The following MSRA variants were observed in gnomAD, a reference collection of about 807,000 sequenced individuals.
MSRA encodes the protein mitochondrial peptide methionine sulfoxide reductase.
Under a neutral mutation model 31.3 loss-of-function variants are expected in MSRA, and 54 were observed. The ratio of observed to expected loss-of-function variants is 1.73; its 90% CI spans 1.39 to 2.17. The LOEUF is 2.17. Among genes scored for constraint, MSRA ranks in the 30% most tolerant of loss-of-function variants. The pLI is 0.00. For missense variants in MSRA, 507 were observed against 300.9 expected, an observed-to-expected ratio of 1.69 and a Z score of -5.07; for synonymous variants, 169 against 116.5, an observed-to-expected ratio of 1.45 and a Z score of -2.90.
chr8:10,320,383 G>T (rs564988055), intron 5 of MSRA: 76 of 156,432 alleles, frequency 4.9e-4, no homozygotes, highest in South Asian at 1.5e-3. Context: ...TGGGAGTATC[G>T]TTTGAACCTG....
At chr8:10,254,768 G>A (rs1798090845) in intron 3 of MSRA, among the ~76,000 whole-genome samples, 1 of 152,198 alleles carries the variant, frequency 6.6e-6, no homozygotes, top group African/African-American at 2.4e-5. Context: ...TCCAGCAAAT[G>A]CATTTTCACA....
At chr8:10,202,430 T>C (rs2129057758) in intron 1 of MSRA, among the ~76,000 whole-genome samples, 1 of 152,378 alleles carries the variant, frequency 6.6e-6, no homozygotes, top group East Asian at 1.9e-4. Context: ...CAGAGGTTTG[T>C]TATCACAGTG....
At chr8:10,277,974 T>C (rs1320412804) in intron 3 of MSRA, among the ~76,000 whole-genome samples, 1 of 152,236 alleles carries the variant, frequency 6.6e-6, no homozygotes, top group Non-Finnish European at 1.5e-5. Context: ...GTACCTGTTA[T>C]TACAGCAGGG....
At chr8:10,322,553 G>A (rs1802104285) in intron 5 of MSRA, among the ~76,000 whole-genome samples, 1 of 152,152 alleles carries the variant, frequency 6.6e-6, no homozygotes, top group South Asian at 2.1e-4. Flanking sequence ...TTGTGAAAGT[G>A]CAGAGTCTAA....
intron 2 of MSRA, among the ~76,000 whole-genome samples, chr8:10,230,126 G>C (rs1585223546): frequency 6.6e-6 from 1 of 152,228 alleles, no homozygotes; most frequent in Admixed American, 6.5e-5. Context: ...CTATGTGACA[G>C]AATACAGTGT....
At chr8:10,240,996 G>A (rs971420250) in intron 2 of MSRA, among the ~76,000 whole-genome samples, 3 of 152,068 alleles carry the variant, frequency 2.0e-5, no homozygotes, top group Non-Finnish European at 4.4e-5. Flanking sequence ...GTGCCCTCTG[G>A]TCCTGCTTGT....
chr8:10,132,094 A>C (rs1188571619), intron 1 of MSRA, among the ~76,000 whole-genome samples: 1 of 152,190 alleles, frequency 6.6e-6, no homozygotes, highest in African/African-American at 2.4e-5. Flanking sequence ...AATGACTCCC[A>C]CCTTGCCAAT....
intron 2 of MSRA, among the ~76,000 whole-genome samples, chr8:10,233,227 C>A (rs1436694106): frequency 3.3e-5 from 5 of 152,244 alleles, no homozygotes; most frequent in Non-Finnish European, 2.9e-5. Flanking sequence ...AAACTCTAAT[C>A]ACCTTCGTGT....
At chr8:10,326,980 C>T (rs1802398987) in intron 5 of MSRA, among the ~76,000 whole-genome samples, 1 of 152,146 alleles carries the variant, frequency 6.6e-6, no homozygotes. Context: ...ATGTGAAAGA[C>T]AGCAAATCTA....
At chr8:10,394,195 G>T (rs973647294) in intron 5 of MSRA, among the ~76,000 whole-genome samples, 2 of 152,114 alleles carry the variant, frequency 1.3e-5, no homozygotes, top group African/African-American at 4.8e-5. Context: ...AAACCAAAAG[G>T]GGCCATTCAA....
At chr8:10,394,286 A>T (rs1806957454) in intron 5 of MSRA, among the ~76,000 whole-genome samples, 1 of 152,178 alleles carries the variant, frequency 6.6e-6, no homozygotes, top group Non-Finnish European at 1.5e-5. Context: ...CCCAGCGACG[A>T]TAGTTTGTAT....
intron 5 of MSRA, among the ~76,000 whole-genome samples, chr8:10,344,574 CAAAAAAAAAAAAAAA>C (rs56843505): frequency 3.1e-5 from 2 of 64,610 alleles, no homozygotes; most frequent in East Asian, 8.8e-4. Flanking sequence ...GACTCCGTCT[CAAAAAAAAAAAAAAA>C]AAAAAAAAAA....
chr8:10,269,074 G>A (rs1018264666), intron 3 of MSRA, among the ~76,000 whole-genome samples: 1 of 152,122 alleles, frequency 6.6e-6, no homozygotes, highest in South Asian at 2.1e-4. Context: ...CTTCTCCAAC[G>A]CCTTTATTGG....
At position 10,156,439 on chromosome 8, in the gene MSRA, G is replaced by A. The variant is rs370583024; in HGVS notation, c.143-51394G>A. Among the ~76,000 whole-genome samples, 5 of 151,560 alleles carry A rather than the reference G, an allele frequency of 3.3e-5. No individual in the cohort carries two copies. The East Asian group carries it at 5.8e-4, about 18-fold the overall frequency. Reference sequence around the variant, plus strand: ...TTTGGTAAAAGGAAAGCATGTGTGTGTACGTGTGTGTATGAGAGAGAGGGG... The same window carrying A: ...TTTGGTAAAAGGAAAGCATGTGTGTATACGTGTGTGTATGAGAGAGAGGGG... On this transcript the variant is annotated intron_variant, in intron 1 of 5. Coordinates refer to ENST00000317173, the MANE Select transcript of MSRA (RefSeq NM_012331.5).
chr8:10,312,163 T>TA (rs1801467563), intron 4 of MSRA, among the ~76,000 whole-genome samples: 1 of 151,442 alleles, frequency 6.6e-6, no homozygotes, highest in South Asian at 2.1e-4. Flanking sequence ...ATAAAATAAA[T>TA]AATGAAGGGC....
chr8:10,151,067 T>C (rs1803621521), intron 1 of MSRA, among the ~76,000 whole-genome samples: 1 of 151,560 alleles, frequency 6.6e-6, no homozygotes, highest in South Asian at 2.1e-4. Context: ...ATACCCTCTA[T>C]CTAGTTGGGA....
At chr8:10,064,832 C>T (rs573161616) in intron 1 of MSRA, among the ~76,000 whole-genome samples, 2 of 152,076 alleles carry the variant, frequency 1.3e-5, no homozygotes, top group Admixed American at 1.3e-4. Context: ...CTGAAAAGAT[C>T]TGATATTTTA....
At chr8:10,323,678 T>G (rs1802185578) in intron 5 of MSRA, among the ~76,000 whole-genome samples, 1 of 152,026 alleles carries the variant, frequency 6.6e-6, no homozygotes, top group Non-Finnish European at 1.5e-5. Flanking sequence ...GAGGTTAATC[T>G]TGTAGGCAGT....
At chr8:10,280,939 G>A (rs1255882146) in intron 3 of MSRA, among the ~76,000 whole-genome samples, 1 of 152,180 alleles carries the variant, frequency 6.6e-6, no homozygotes, top group Non-Finnish European at 1.5e-5. Flanking sequence ...TATTTGAAAC[G>A]TCCAGAATAG....
Sources: allele counts gnomAD v4.1 joint callset (sites outside exome capture counted in the v4.1 genomes callset), GRCh38; gene constraint gnomAD v4.1.1; transcripts MANE v1.5; gene names NCBI Gene and HGNC (gene_info 2026-07-23, HGNC 2026-07-21).